AGAP1: variants seen among roughly 807,000 people sequenced by gnomAD.
AGAP1 encodes the protein arf-GAP with GTPase, ANK repeat and PH domain-containing protein 1.
AGAP1 carries 29 observed loss-of-function variants against 105.3 expected under a neutral mutation model. That is an observed-to-expected ratio of 0.28 (90% CI 0.21 to 0.38). The LOEUF is 0.38. Among genes scored for constraint, AGAP1 ranks in the 10% least tolerant of loss-of-function variants. The pLI, the probability that AGAP1 is intolerant of heterozygous loss-of-function variation, is 1.00. For synonymous variants in AGAP1, 509 were observed against 485.9 expected (o/e 1.05, Z -0.63); for missense variants, 998 against 1,165.1 (o/e 0.86, Z 2.09).
intron 13 of AGAP1, among the ~76,000 whole-genome samples, chr2:236,015,056 T>A (rs1223671870): frequency 6.6e-6 from 1 of 152,214 alleles, no homozygotes; most frequent in Non-Finnish European, 1.5e-5. Flanking sequence ...TGTTTGTGTG[T>A]TTTATTTTAC....
intron 1 of AGAP1, among the ~76,000 whole-genome samples, chr2:235,562,058 G>C (rs1266601773): frequency 6.6e-6 from 1 of 152,188 alleles, no homozygotes; most frequent in African/African-American, 2.4e-5. Context: ...TTTGAGCTGA[G>C]AGATTGGGGT....
Position 235,750,627 on chromosome 2 carries a change from C to A in AGAP1, c.673+139C>A. 1 of 1,255,136 alleles carries A rather than the reference C, an allele frequency of 8.0e-7. No individual in the cohort carries two copies. The allele number at this position is 1,255,136 out of a possible 1,614,324, so 77.7% of individuals were successfully genotyped here. ...GGTGGGCATTAGTATCGAGAGCAGT[C>A]CATTCCAGAGGCAATTCTCAGGTAT... On this transcript the variant is annotated intron_variant, in intron 6 of 17. Coordinates refer to ENST00000304032, the MANE Select transcript of AGAP1 (RefSeq NM_001037131.3). This position sits in a 1 kb window ranked among gnomAD's most constrained non-coding sequence, Gnocchi z 5.3.
At chr2:235,847,006 A>G (rs548602614) in intron 9 of AGAP1, among the ~76,000 whole-genome samples, 117 of 152,292 alleles carry the variant, frequency 7.7e-4, no homozygotes, top group African/African-American at 2.6e-3. Context: ...GGATTGCTTG[A>G]CATGTCCCAG....
chr2:235,815,432 T>C (rs1208025567), intron 9 of AGAP1, among the ~76,000 whole-genome samples: 2 of 152,220 alleles, frequency 1.3e-5, no homozygotes, highest in Admixed American at 6.5e-5. Context: ...GTCCCATCTG[T>C]ACGTCATTTA....
intron 9 of AGAP1, among the ~76,000 whole-genome samples, chr2:235,840,686 A>G (rs1034244497): frequency 2.0e-5 from 3 of 152,000 alleles, no homozygotes; most frequent in African/African-American, 4.8e-5. Flanking sequence ...AGGAGAAGAC[A>G]TATCTGGAGG....
rs1168956585 is a variant in AGAP1 at position 235,981,472 on chromosome 2, CACG to C, written c.1645+12850_1645+12852del. ...GCGTACACACACACACACACACACA[CACG>C]GTGTTATTTTTTTTCTTTCTGAATT... On this transcript the variant is annotated intron_variant, in intron 13 of 17. Coordinates refer to ENST00000304032, the MANE Select transcript of AGAP1 (RefSeq NM_001037131.3). This position sits in a 1 kb window ranked among gnomAD's most constrained non-coding sequence, Gnocchi z 5.5. Among the ~76,000 whole-genome samples the C allele has an allele frequency of 6.7e-5, 10 of 150,138 alleles. No individual in the cohort carries two copies. The highest frequency in any genetic ancestry group is 2.5e-4 in the African/African-American group (10 of 40,000).
At chr2:236,122,662 C>T (rs906884070) in intron 17 of AGAP1, among the ~76,000 whole-genome samples, 1 of 150,374 alleles carries the variant, frequency 6.7e-6, no homozygotes, top group Non-Finnish European at 1.5e-5. Context: ...CATCCGGGCA[C>T]TGTTTCTTCC....
Position 235,720,522 on chromosome 2 carries a change from G to A in AGAP1, c.310+2878G>A, listed in dbSNP as rs1951328038. ...GGATTGGATTTTGAGTGAGCTCTGTGGCCTTCCCATTTCTTGGTGTACTGC... is the reference window on the plus strand; with the variant it reads ...GGATTGGATTTTGAGTGAGCTCTGTAGCCTTCCCATTTCTTGGTGTACTGC... On this transcript the variant is annotated intron_variant, in intron 3 of 17. Coordinates refer to ENST00000304032, the MANE Select transcript of AGAP1 (RefSeq NM_001037131.3). The surrounding 1 kb of genome is among the most constrained non-coding windows in gnomAD (Gnocchi z 5.0). 6.7e-6 allele frequency: 2 copies of A among 297,894 alleles called. No homozygotes were observed. The highest frequency in any genetic ancestry group is 2.3e-5 in the African/African-American group (1 of 43,978). 18.5% of individuals were successfully genotyped at this position (297,894 alleles called of 1,614,324 possible).
chr2:235,589,186 ATTGTTTTGTTTTTTTTT>A lies in AGAP1; in HGVS notation c.163+94340_163+94356del, dbSNP rs1182534421. ...TTTGAGAACTACCAGTTAATAGCTT[ATTGTTTTGTTTTTTTTT>A]TTTTTTTTTTTTTTTTTTTGAGACG... On this transcript the variant is annotated intron_variant, in intron 1 of 17. Transcript: ENST00000304032. Among the ~76,000 whole-genome samples the A allele has an allele frequency of 6.3e-3, 222 of 35,116 alleles. 1 individual carries two copies. The highest frequency in any genetic ancestry group is 0.025 in the Middle Eastern group (1 of 40). The allele number at this position is 35,116 out of a possible 152,430, so 23.0% of individuals were successfully genotyped here. A position where few individuals can be genotyped will look rare whatever the true frequency, so the allele number is the denominator to read the frequency against.
chr2:235,877,380 G>A lies in AGAP1; in HGVS notation c.1051-5965G>A, dbSNP rs932682789. ...TGCTGAAACAAAATGACGGCCATCC[G>A]TGCCAGGGGTTAGGGATGACGGTTG... On this transcript the variant is annotated intron_variant, in intron 9 of 17. Coordinates refer to ENST00000304032, the MANE Select transcript of AGAP1 (RefSeq NM_001037131.3). This position sits in a 1 kb window ranked among gnomAD's most constrained non-coding sequence, Gnocchi z 4.3. Among the ~76,000 whole-genome samples the A allele has an allele frequency of 6.6e-6, 1 of 152,132 alleles. No homozygotes were observed. Among genetic ancestry groups the A allele is most frequent in the Non-Finnish European group, 1.5e-5 (1 of 68,026 alleles).
At chr2:235,999,383 G>A (rs2055984704) in intron 13 of AGAP1, among the ~76,000 whole-genome samples, 1 of 147,802 alleles carries the variant, frequency 6.8e-6, no homozygotes, top group South Asian at 2.2e-4. Flanking sequence ...AATATGGTAT[G>A]GTGGTGATGA....
At chr2:235,573,087 TCTTTCTTCTTC>T (rs1944623574) in intron 1 of AGAP1, among the ~76,000 whole-genome samples, 1 of 137,646 alleles carries the variant, frequency 7.3e-6, no homozygotes, top group Non-Finnish European at 1.5e-5. Context: ...TCTTCTTTCT[TCTTTCTTCTTC>T]TTCTTCCTTT....
intron 6 of AGAP1, among the ~76,000 whole-genome samples, chr2:235,796,305 T>G (rs2150035525): frequency 6.6e-6 from 1 of 152,382 alleles, no homozygotes; most frequent in Middle Eastern, 3.4e-3. Flanking sequence ...TTAGATTTTA[T>G]TTTTGAGTTC....
chr2:235,920,001 T>C (rs957642821), intron 11 of AGAP1, among the ~76,000 whole-genome samples: 3 of 152,144 alleles, frequency 2.0e-5, no homozygotes, highest in African/African-American at 7.2e-5. Flanking sequence ...AAAATGAGAA[T>C]GGCACACATT....
At position 235,883,455 on chromosome 2, in the gene AGAP1, T is replaced by C; in HGVS notation, c.1155+6T>C. ...CCTATCATCCCAGTTTACATGTGAG[T>C]ATAGCCCCCTCGGAGCAATTAACAG... On this transcript the variant is annotated splice_donor_region_variant and intron_variant, in intron 10 of 17. Coordinates refer to ENST00000304032, the MANE Select transcript of AGAP1 (RefSeq NM_001037131.3). The surrounding 1 kb of genome is among the most constrained non-coding windows in gnomAD (Gnocchi z 4.5). 1.9e-6 allele frequency: 3 copies of C among 1,609,754 alleles called. No homozygotes were observed. Among genetic ancestry groups the C allele is most frequent in the Non-Finnish European group, 2.5e-6 (3 of 1,176,484 alleles).
At chr2:235,680,646 A>G (rs1380513501) in intron 1 of AGAP1, among the ~76,000 whole-genome samples, 1 of 151,874 alleles carries the variant, frequency 6.6e-6, no homozygotes, top group African/African-American at 2.4e-5. Flanking sequence ...GACAGGGTGA[A>G]TGTACTAGCA....
In AGAP1 at chr2:235,560,448, C is replaced by G. The variant is rs573833539; in HGVS notation, c.163+65599C>G. Among the ~76,000 whole-genome samples, 4 of 151,890 alleles carry G rather than the reference C, an allele frequency of 2.6e-5. No individual in the cohort carries two copies. The South Asian group carries it at 6.3e-4, about 24-fold the overall frequency. ...CCTGTCCCCTAATCCCCAGAACTTG[C>G]GATGATGTTACCTCACATGGCAAAA... On this transcript the variant is annotated intron_variant, in intron 1 of 17. Transcript: ENST00000304032.
rs1000290514 is a variant in AGAP1 at position 235,883,961 on chromosome 2, A to G, written c.1155+512A>G. On this transcript the variant is annotated intron_variant, in intron 10 of 17. Transcript: ENST00000304032. The surrounding 1 kb of genome is among the most constrained non-coding windows in gnomAD (Gnocchi z 4.5). ...TGTTATATGTAAGTTTATGTTACATATAAGTTTGTTATATCCGTGGTGTAT... is the reference window on the plus strand; with the variant it reads ...TGTTATATGTAAGTTTATGTTACATGTAAGTTTGTTATATCCGTGGTGTAT... Among the ~76,000 whole-genome samples the G allele has an allele frequency of 6.6e-6, 1 of 152,240 alleles. No homozygotes were observed. Among genetic ancestry groups the G allele is most frequent in the African/African-American group, 2.4e-5 (1 of 41,466 alleles).
chr2:236,120,458 G>C lies in AGAP1; in HGVS notation c.2370+11G>C. 6.2e-7 allele frequency: 1 copy of C among 1,611,036 alleles called. No individual in the cohort carries two copies. Among genetic ancestry groups the C allele is most frequent in the Non-Finnish European group, 8.5e-7 (1 of 1,179,644 alleles). ...CAGCTCCTGATCTGGGTAGGTGGTC[G>C]GCACGCCTGGCAGAGGACGGGGCCA... is the stretch of plus-strand genomic sequence containing the variant. On this transcript the variant is annotated intron_variant, in intron 17 of 17. Coordinates refer to ENST00000304032, the MANE Select transcript of AGAP1 (RefSeq NM_001037131.3). The surrounding 1 kb of genome is among the most constrained non-coding windows in gnomAD (Gnocchi z 6.0).
Sources: gnomAD v4.1 joint callset for allele counts (sites outside exome capture counted in the v4.1 genomes callset) on GRCh38, gnomAD v4.1.1 for gene constraint, Gnocchi (gnomAD v3.1) non-coding constraint, MANE v1.5 for transcripts, NCBI Gene and HGNC (gene_info 2026-07-23, HGNC 2026-07-21) for gene names.